The following ABTB3 variants were observed in gnomAD, a reference collection of about 807,000 sequenced individuals.
The protein encoded by ABTB3 is ankyrin repeat- and BTB/POZ domain-containing protein 3.
At chr12:107,398,743 G>A in the ABTB3 span, among the ~76,000 whole-genome samples, 1 of 152,192 alleles carries the variant, frequency 6.6e-6, no homozygotes, top group South Asian at 2.1e-4. Flanking sequence ...ATCTTATACA[G>A]GAGTCCAAAC....
At chr12:107,649,117 A>T in the ABTB3 span, 1 of 1,203,720 alleles carries the variant, frequency 8.3e-7, no homozygotes, top group Non-Finnish European at 1.2e-6. Context: ...TAGAGGTCTC[A>T]GGAACTAAGC....
At chr12:107,617,775 T>C in the ABTB3 span, 21 of 363,770 alleles carry the variant, frequency 5.8e-5, no homozygotes, top group East Asian at 1.0e-3. Flanking sequence ...CTTTCATATT[T>C]GGTGACTTCC....
At chr12:107,513,845 GC>G in the ABTB3 span, among the ~76,000 whole-genome samples, 1 of 152,182 alleles carries the variant, frequency 6.6e-6, no homozygotes, top group Admixed American at 6.5e-5. Flanking sequence ...GACATGGTTG[GC>G]CCAGGGTTCT....
the ABTB3 span, among the ~76,000 whole-genome samples, chr12:107,431,405 T>C: frequency 6.6e-6 from 1 of 152,146 alleles, no homozygotes; most frequent in South Asian, 2.1e-4. Flanking sequence ...GGTCAGGAGT[T>C]CGAGACCAGC....
the ABTB3 span, among the ~76,000 whole-genome samples, chr12:107,548,606 A>G: frequency 6.6e-6 from 1 of 152,178 alleles, no homozygotes; most frequent in Admixed American, 6.5e-5. Context: ...TTTGGCTACT[A>G]TTTCTTGAGC....
the ABTB3 span, among the ~76,000 whole-genome samples, chr12:107,369,705 TGG>T: frequency 5.8e-5 from 5 of 86,544 alleles, no homozygotes; most frequent in African/African-American, 1.6e-4. Flanking sequence ...AGCCCAAACA[TGG>T]TTTTTTTTTT....
At chr12:107,357,832 T>A in the ABTB3 span, among the ~76,000 whole-genome samples, 1 of 152,204 alleles carries the variant, frequency 6.6e-6, no homozygotes, top group Non-Finnish European at 1.5e-5. Flanking sequence ...GAGGCCCTAA[T>A]AGGATGAGAG....
At chr12:107,657,988 G>C in the ABTB3 span, 2 of 491,304 alleles carry the variant, frequency 4.1e-6, no homozygotes, top group Admixed American at 6.6e-5. Context: ...CCCACTGCCG[G>C]GGACCACTGT....
chr12:107,596,769 A>C, the ABTB3 span, among the ~76,000 whole-genome samples: 64 of 150,874 alleles, frequency 4.2e-4, 2 homozygotes, highest in South Asian at 0.013. Flanking sequence ...TACTCTCCTT[A>C]CCCCTCCACC....
the ABTB3 span, among the ~76,000 whole-genome samples, chr12:107,604,129 A>G: frequency 6.6e-6 from 1 of 152,032 alleles, no homozygotes; most frequent in East Asian, 1.9e-4. Context: ...AGATCACGCC[A>G]CTGCACTCCA....
chr12:107,340,511 T>C, the ABTB3 span, among the ~76,000 whole-genome samples: 2 of 152,262 alleles, frequency 1.3e-5, no homozygotes, highest in Admixed American at 1.3e-4. Context: ...GTGCTGTGTG[T>C]TGTCTATAAA....
the ABTB3 span, among the ~76,000 whole-genome samples, chr12:107,563,949 G>A: frequency 6.6e-6 from 1 of 152,144 alleles, no homozygotes; most frequent in African/African-American, 2.4e-5. Context: ...ATAATTGGAC[G>A]ACCAGATTTC....
the ABTB3 span, among the ~76,000 whole-genome samples, chr12:107,457,142 G>T: frequency 6.6e-6 from 1 of 152,210 alleles, no homozygotes; most frequent in Non-Finnish European, 1.5e-5. Context: ...GATTACAGGC[G>T]TAAGCCACCG....
At chr12:107,606,906 C>T in the ABTB3 span, among the ~76,000 whole-genome samples, 1 of 152,228 alleles carries the variant, frequency 6.6e-6, no homozygotes, top group African/African-American at 2.4e-5. Context: ...GTGATGTGTG[C>T]TCTGTGACCT....
chr12:107,478,815 G>A, the ABTB3 span, among the ~76,000 whole-genome samples: 4 of 152,010 alleles, frequency 2.6e-5, no homozygotes, highest in Non-Finnish European at 5.9e-5. Flanking sequence ...GAATGAGAAG[G>A]ATTCCCACCA....
the ABTB3 span, among the ~76,000 whole-genome samples, chr12:107,655,205 G>A: frequency 4.6e-5 from 7 of 151,926 alleles, no homozygotes; most frequent in South Asian, 6.2e-4. Flanking sequence ...TGTGAGCCCC[G>A]GCTGGGAATA....
At chr12:107,638,554 G>A in the ABTB3 span, among the ~76,000 whole-genome samples, 1 of 152,196 alleles carries the variant, frequency 6.6e-6, no homozygotes, top group Non-Finnish European at 1.5e-5. Context: ...GGGCCTCCAG[G>A]CTAAGAAGGT....
chr12:107,551,604 C>T, the ABTB3 span, among the ~76,000 whole-genome samples: 6 of 152,326 alleles, frequency 3.9e-5, no homozygotes, highest in South Asian at 4.1e-4. Context: ...AATACAACCA[C>T]ACTCATTTGT....
the ABTB3 span, among the ~76,000 whole-genome samples, chr12:107,492,993 C>A: frequency 6.6e-6 from 1 of 151,126 alleles, no homozygotes; most frequent in Non-Finnish European, 1.5e-5. Context: ...CTGTTAGGAC[C>A]AGAATGACAC....
Sources: gnomAD v4.1 joint callset for allele counts (sites outside exome capture counted in the v4.1 genomes callset) on GRCh38, gnomAD v4.1.1 for gene constraint, MANE v1.5 for transcripts, NCBI Gene and HGNC (gene_info 2026-07-23, HGNC 2026-07-21) for gene names.